DIAPH1: variants seen among roughly 807,000 people sequenced by gnomAD.
DIAPH1 encodes the protein diaphanous related formin 1, also known as protein diaphanous homolog 1.
Under a neutral mutation model 140.7 loss-of-function variants are expected in DIAPH1, and 46 were observed. The ratio of observed to expected loss-of-function variants is 0.33; its 90% CI spans 0.26 to 0.42. DIAPH1 has a LOEUF of 0.42. Among genes scored for constraint, DIAPH1 ranks in the 10% least tolerant of loss-of-function variants. The pLI is 1.00. For synonymous variants in DIAPH1, 565 were observed against 551.6 expected, an observed-to-expected ratio of 1.02 and a Z score of -0.34; for missense variants, 1,310 against 1,558.7, an observed-to-expected ratio of 0.84 and a Z score of 2.69.
chr5:141,526,238 C>T (rs2099887308), intron 25 of DIAPH1, 59 bp downstream of exon 25: 1 of 1,614,030 alleles, frequency 6.2e-7, no homozygotes, highest in Non-Finnish European at 8.5e-7. Flanking sequence ...CCAACAGGAA[C>T]CCAGGGGAAA....
In DIAPH1 at chr5:141,582,394, A is replaced by G. The variant is rs181224861; in HGVS notation, c.621-19T>C. ...GTAACTCCTGTATATAGAAGACATAATCAGTGAGGTCCCTTTATTCTCTAC... is the reference window on the plus strand; with the variant it reads ...GTAACTCCTGTATATAGAAGACATAGTCAGTGAGGTCCCTTTATTCTCTAC... On this transcript the variant is annotated intron_variant, in intron 6 of 27. Coordinates refer to ENST00000389054, the MANE Select transcript of DIAPH1 (RefSeq NM_005219.5). 1.4e-3 allele frequency: 2,155 copies of G among 1,579,786 alleles called. 33 individuals carry two copies. The African/African-American group carries it at 0.026, about 19-fold the overall frequency.
intron 18 of DIAPH1, chr5:141,550,630 T>G (rs1017347021): frequency 6.5e-6 from 1 of 154,418 alleles, no homozygotes; most frequent in African/African-American, 2.4e-5. Context: ...TTTCTTTTTT[T>G]TTCAAGACAG....
In DIAPH1 at chr5:141,528,544, C is replaced by G; in HGVS notation, c.3057G>C (p.Leu1019Phe). 6.2e-7 allele frequency: 1 copy of G among 1,614,158 alleles called. No individual in the cohort carries two copies. The change falls in exon 23 of 28, where the codon TTG becomes TTC. Residue 1019 changes from leucine to phenylalanine, a missense_variant. This residue lies in a region of DIAPH1 where 344 missense variants were observed against 512.2 expected (regional missense o/e 0.67). Transcript: ENST00000389054. ...CACACAACTCAGCCAAGAAGTGTAA[C>G]AACGTCATCTTCTGATCTGTGGACT... ...DTKSTDQKMT[L>F]LHFLAELCEN...
intron 18 of DIAPH1, among the ~76,000 whole-genome samples, chr5:141,552,575 A>C (rs543897157): frequency 6.6e-6 from 1 of 152,374 alleles, no homozygotes; most frequent in East Asian, 1.9e-4. Flanking sequence ...CAGCCCTGCC[A>C]ACATTTCGAT....
intron 1 of DIAPH1, among the ~76,000 whole-genome samples, chr5:141,604,016 C>T (rs1246337212): frequency 6.6e-6 from 1 of 152,194 alleles, no homozygotes; most frequent in Admixed American, 6.5e-5. Context: ...TGCATTCCTC[C>T]AAGTCCATCC....
At chr5:141,571,646 A>G (rs1479406375) in intron 17 of DIAPH1, among the ~76,000 whole-genome samples, 18 of 152,218 alleles carry the variant, frequency 1.2e-4, no homozygotes, top group Admixed American at 1.2e-3. Flanking sequence ...AAGTATCAAA[A>G]TGGGCCCAAA....
intron 18 of DIAPH1, among the ~76,000 whole-genome samples, chr5:141,548,988 AAATT>A (rs2099891266): frequency 6.6e-6 from 1 of 152,180 alleles, no homozygotes; most frequent in Non-Finnish European, 1.5e-5. Flanking sequence ...ATACAGTTCT[AAATT>A]AATCCGTAAG....
Position 141,576,948 on chromosome 5 carries a change from GT to G in DIAPH1, c.1281-78del, listed in dbSNP as rs555712693. The stretch of plus-strand genomic sequence containing the variant: ...CAGAAGTATTCAGGACCAAGAAAAC[GT>G]AATTGCTCTGACAACTGAGAGACCT... On this transcript the variant is annotated intron_variant, in intron 12 of 27. Coordinates refer to ENST00000389054, the MANE Select transcript of DIAPH1 (RefSeq NM_005219.5). 2.1e-3 allele frequency: 1,964 copies of G among 914,116 alleles called. 4 individuals carry two copies. The highest frequency in any genetic ancestry group is 3.0e-3 in the Non-Finnish European group (1,676 of 554,956). The allele number at this position is 914,116 out of a possible 1,614,324, so 56.6% of individuals were successfully genotyped here. A position where few individuals can be genotyped will look rare whatever the true frequency, so the allele number is the denominator to read the frequency against.
intron 26 of DIAPH1, 64 bp downstream of exon 26, chr5:141,525,974 C>T: frequency 5.0e-6 from 8 of 1,609,384 alleles, no homozygotes; most frequent in Non-Finnish European, 5.9e-6. Context: ...TGCCTCTAGA[C>T]TCTAGGCAGA....
chr5:141,574,889 C>T (rs912070862), intron 15 of DIAPH1, 78 bp downstream of exon 15: 20 of 1,492,244 alleles, frequency 1.3e-5, no homozygotes, highest in Non-Finnish European at 1.6e-5. Flanking sequence ...TCCCTAGGAG[C>T]GAGATGACTG....
At chr5:141,574,934 CA>C in intron 15 of DIAPH1, 32 bp downstream of exon 15, 3 of 1,613,346 alleles carry the variant, frequency 1.9e-6, no homozygotes, top group Non-Finnish European at 2.5e-6. Flanking sequence ...CCTGAGGTTA[CA>C]GGTCATTCTG....
chr5:141,561,011 C>A (rs556533339), intron 18 of DIAPH1: 10 of 447,012 alleles, frequency 2.2e-5, no homozygotes, highest in African/African-American at 1.8e-4. Context: ...TCCTCCAATC[C>A]CTAGTCTCTG....
intron 18 of DIAPH1, among the ~76,000 whole-genome samples, chr5:141,557,290 T>G (rs887111506): frequency 1.6e-4 from 24 of 152,302 alleles, no homozygotes; most frequent in Middle Eastern, 3.4e-3. Context: ...GATTAAATAA[T>G]ATGAACAAGG....
At chr5:141,580,682 T>G (rs2099896622) in intron 8 of DIAPH1, 62 bp downstream of exon 8, 1 of 1,583,452 alleles carries the variant, frequency 6.3e-7, no homozygotes, top group Non-Finnish European at 8.7e-7. Context: ...TCAATTGTCC[T>G]CTGAACTAAG....
intron 1 of DIAPH1, among the ~76,000 whole-genome samples, chr5:141,610,911 T>TAA (rs113661770): frequency 3.9e-5 from 5 of 127,610 alleles, no homozygotes; most frequent in African/African-American, 1.2e-4. Flanking sequence ...CCCACCACTA[T>TAA]AAAAAAAAAA....
chr5:141,522,544 C>G, intron 27 of DIAPH1, among the ~76,000 whole-genome samples: 1 of 115,198 alleles, frequency 8.7e-6, no homozygotes, highest in East Asian at 2.6e-4. Context: ...AATTCCCCAC[C>G]AAAATTCTGA....
intron 18 of DIAPH1, chr5:141,560,564 G>T (rs2154595951): frequency 6.1e-6 from 1 of 163,162 alleles, no homozygotes; most frequent in East Asian, 1.8e-4. Flanking sequence ...ATAATCCCCT[G>T]TCACAAATCT....
chr5:141,576,308 G>C lies in DIAPH1; in HGVS notation c.1397-14C>G, dbSNP rs201444168. Reference sequence around the variant, plus strand: ...CAATCATTTGATCTGAAAAGAAGAAGAGTCAGTAAGTAAAGCTCCTAATTC... The same window carrying C: ...CAATCATTTGATCTGAAAAGAAGAACAGTCAGTAAGTAAAGCTCCTAATTC... On this transcript the variant is annotated splice_polypyrimidine_tract_variant and intron_variant, in intron 13 of 27. Coordinates refer to ENST00000389054, the MANE Select transcript of DIAPH1 (RefSeq NM_005219.5). The C allele has an allele frequency of 1.9e-6, 3 of 1,604,670 alleles. No individual in the cohort carries two copies. In the East Asian group the frequency reaches 6.7e-5, roughly 36 times the overall value.
In DIAPH1 at chr5:141,528,502, A is replaced by G. The variant is rs727504838; in HGVS notation, c.3099T>C (p.Asp1033=). The change falls in exon 23 of 28, where the codon GAT becomes GAC. Residue 1033 remains aspartate, a synonymous_variant. Transcript: ENST00000389054. ...LAELCENDYP[D]VLKFPDELAH... is the part of the protein sequence containing the mutation. ...CAAGCTCGTCTGGAAACTTGAGGAC[A>G]TCGGGATAGTCATTCTCACACAACT... is the stretch of plus-strand genomic sequence containing the variant. 20 of 1,614,106 alleles carry G rather than the reference A, an allele frequency of 1.2e-5. No homozygotes were observed. The Admixed American group carries it at 1.7e-4, about 13-fold the overall frequency.
Sources: allele counts gnomAD v4.1 joint callset (sites outside exome capture counted in the v4.1 genomes callset), GRCh38; gene constraint gnomAD v4.1.1; regional missense constraint gnomAD v4.1.1; transcripts MANE v1.5; gene names NCBI Gene and HGNC (gene_info 2026-07-23, HGNC 2026-07-21).